The following ACTR6 variants were observed in gnomAD, a reference collection of about 807,000 sequenced individuals.
The protein encoded by ACTR6 is actin-related protein 6.
A neutral mutation model predicts 52.5 loss-of-function variants in ACTR6; 50 were observed. The ratio of observed to expected loss-of-function variants is 0.95; its 90% CI spans 0.76 to 1.20. The LOEUF is 1.20. ACTR6 is among the 50% of genes most tolerant of loss of function. ACTR6 has a pLI of 0.00. For missense variants in ACTR6, 344 were observed against 472.4 expected, an observed-to-expected ratio of 0.73 and a Z score of 2.52; for synonymous variants, 135 against 147.2, an observed-to-expected ratio of 0.92 and a Z score of 0.60.
Position 100,205,317 on chromosome 12 carries a change from A to G in ACTR6, c.186+260A>G, listed in dbSNP as rs895238804. Reference sequence around the variant, plus strand: ...TAAGTATAGGGAGGCAACTGTATATATTGGTGTGTCTTTTGAACCTCTGAC... The same window carrying G: ...TAAGTATAGGGAGGCAACTGTATATGTTGGTGTGTCTTTTGAACCTCTGAC... On this transcript the variant is annotated intron_variant, in intron 2 of 10. Transcript: ENST00000188312. 34 of 316,820 alleles carry G rather than the reference A, an allele frequency of 1.1e-4. 1 individual carries two copies. The highest frequency in any genetic ancestry group is 2.9e-4 in the Admixed American group (6 of 20,712). The allele number at this position is 316,820 out of a possible 1,614,324, so 19.6% of individuals were successfully genotyped here.
chr12:100,209,901 A>C (rs2096118438), intron 4 of ACTR6, among the ~76,000 whole-genome samples, 172 bp from the exon 5 acceptor site: 1 of 152,220 alleles, frequency 6.6e-6, no homozygotes, highest in Admixed American at 6.5e-5. Flanking sequence ...GGTGTTTTAA[A>C]GTATAAACAC....
intron 8 of ACTR6, among the ~76,000 whole-genome samples, chr12:100,213,813 T>C (rs2096121920): frequency 6.6e-6 from 1 of 152,230 alleles, no homozygotes. Context: ...TAGGTAAATG[T>C]GAAGTTTGCA....
chr12:100,213,057 G>C (rs1403026788), intron 8 of ACTR6, among the ~76,000 whole-genome samples: 1 of 151,534 alleles, frequency 6.6e-6, no homozygotes, highest in Non-Finnish European at 1.5e-5. Flanking sequence ...GCATTGGCAG[G>C]GCCTTAGAGA....
chr12:100,211,981 G>T (rs1203917192), intron 6 of ACTR6, among the ~76,000 whole-genome samples: 1 of 152,102 alleles, frequency 6.6e-6, no homozygotes. Context: ...GTTTGCGGGG[G>T]AATGTTTGAT....
rs766401476 is a variant in ACTR6, at chr12:100,219,615, GTAGCTCA to G, written c.923-392_923-386del. ...GAAAGACCTCGTTTTCATCCTTGTGGTAGCTCACAGTCTCAGCCTACAGCAAGAACCA... is the reference window on the plus strand; with the variant it reads ...GAAAGACCTCGTTTTCATCCTTGTGGCAGTCTCAGCCTACAGCAAGAACCA... On this transcript the variant is annotated intron_variant, in intron 9 of 10. Transcript: ENST00000188312. Among the ~76,000 whole-genome samples the G allele has an allele frequency of 4.8e-4, 73 of 152,202 alleles. No homozygotes were observed. The Middle Eastern group carries it at 0.01, about 21-fold the overall frequency.
At chr12:100,201,805 T>TA in intron 1 of ACTR6, among the ~76,000 whole-genome samples, 1 of 152,304 alleles carries the variant, frequency 6.6e-6, no homozygotes, top group East Asian at 1.9e-4. Flanking sequence ...GTATTTTTGT[T>TA]AGAGACGGGG....
At chr12:100,203,718 T>G (rs190798428) in intron 1 of ACTR6, 122 of 150,630 alleles carry the variant, frequency 8.1e-4, no homozygotes, top group African/African-American at 2.9e-3. Context: ...TGGCGTGATC[T>G]TGGCTCACTG....
At chr12:100,223,627 TAC>T (rs1290083496) in intron 10 of ACTR6, among the ~76,000 whole-genome samples, 157 bp from the exon 11 acceptor site, 1 of 152,224 alleles carries the variant, frequency 6.6e-6, no homozygotes, top group Non-Finnish European at 1.5e-5. Context: ...CTTATTTCTG[TAC>T]CTTAAACAAT....
At chr12:100,210,861 A>G (rs1471107026) in intron 6 of ACTR6, among the ~76,000 whole-genome samples, 1 of 152,184 alleles carries the variant, frequency 6.6e-6, no homozygotes, top group Non-Finnish European at 1.5e-5. Flanking sequence ...TCATACCATC[A>G]GGATCCCTTT....
rs769151827 is a variant in ACTR6 at position 100,218,380 on chromosome 12, T to C, written c.751-35T>C. 5.1e-6 allele frequency: 8 copies of C among 1,567,384 alleles called. No individual in the cohort carries two copies. In the Admixed American group the frequency reaches 8.9e-5, roughly 17 times the overall value. On this transcript the variant is annotated intron_variant, in intron 8 of 10. Transcript: ENST00000188312. This position sits in a 1 kb window ranked among gnomAD's most constrained non-coding sequence, Gnocchi z 4.2. The stretch of plus-strand genomic sequence containing the variant: ...ATTATTAGTCATGTGAGCTAGATAA[T>C]ATAACTTAAACTTTTAATCTTCTTT...
rs371505912 is a variant in ACTR6 at position 100,218,431 on chromosome 12, T to C, written c.767T>C (p.Val256Ala). Residue 256 changes from valine to alanine, a missense_variant, in exon 9 of 11, where the codon GTG becomes GCG. Coordinates refer to ENST00000188312, the MANE Select transcript of ACTR6 (RefSeq NM_022496.5). This position sits in a 1 kb window ranked among gnomAD's most constrained non-coding sequence, Gnocchi z 4.2. ...GTCTTTAAGCCAAGGGAAGAGATGG[T>C]GTTGAGTGGAAAATACAAATCTGGG... The part of the protein sequence containing the change: ...KGFCKPREEM[V>A]LSGKYKSGEQ... 1.9e-6 allele frequency: 3 copies of C among 1,610,010 alleles called. No individual in the cohort carries two copies. The highest frequency in any genetic ancestry group is 1.7e-5 in the Admixed American group (1 of 59,080).
intron 2 of ACTR6, 137 bp downstream of exon 2, chr12:100,205,194 TG>T: frequency 3.7e-6 from 2 of 545,072 alleles, no homozygotes; most frequent in Admixed American, 3.6e-5. Context: ...TTTAATTGTT[TG>T]GGTAAAAATA....
intron 6 of ACTR6, among the ~76,000 whole-genome samples, chr12:100,211,582 G>C (rs536599894): frequency 9.9e-5 from 15 of 152,124 alleles, no homozygotes; most frequent in African/African-American, 3.4e-4. Context: ...AAACATCACT[G>C]TGTACCTGAG....
At chr12:100,208,323 C>T (rs532609860) in intron 4 of ACTR6, among the ~76,000 whole-genome samples, 67 of 151,480 alleles carry the variant, frequency 4.4e-4, no homozygotes, top group Middle Eastern at 3.4e-3. Flanking sequence ...TCTTGTTGCC[C>T]AGGTTGGCAT....
At chr12:100,208,099 C>T (rs560107829) in intron 4 of ACTR6, 9 of 260,984 alleles carry the variant, frequency 3.4e-5, no homozygotes, top group East Asian at 2.1e-4. Flanking sequence ...AGGTTGAAGC[C>T]GCAGTGAGCT....
intron 8 of ACTR6, 93 bp downstream of exon 8, chr12:100,212,621 C>T (rs2096120751): frequency 4.6e-6 from 4 of 863,056 alleles, no homozygotes; most frequent in Non-Finnish European, 7.5e-6. Context: ...AAGAGACTGG[C>T]CTGGGCAACA....
chr12:100,212,936 G>C (rs925495510), intron 8 of ACTR6, among the ~76,000 whole-genome samples: 8 of 150,878 alleles, frequency 5.3e-5, no homozygotes, highest in Non-Finnish European at 1.2e-4. Flanking sequence ...GAACCTGGGA[G>C]GTGGAGGTTG....
intron 10 of ACTR6, among the ~76,000 whole-genome samples, chr12:100,223,539 A>G (rs1392810029): frequency 2.0e-5 from 3 of 152,214 alleles, no homozygotes; most frequent in Non-Finnish European, 4.4e-5. Flanking sequence ...ACATAGGGAA[A>G]AAGGAACATT....
rs1310353854 is a variant in ACTR6, at chr12:100,205,764, A to G, written c.255+20A>G. On this transcript the variant is annotated intron_variant, in intron 3 of 10. Coordinates refer to ENST00000188312, the MANE Select transcript of ACTR6 (RefSeq NM_022496.5). The stretch of plus-strand genomic sequence containing the variant: ...TATCAGGTAACAAATTAGAGTATGT[A>G]TTAAAATTCTATTTCCATGTTTAAT... The G allele has an allele frequency of 1.5e-6, 2 of 1,344,116 alleles. No homozygotes were observed. 83.3% of individuals were successfully genotyped at this position (1,344,116 alleles called of 1,614,324 possible). A position where few individuals can be genotyped will look rare whatever the true frequency, so the allele number is the denominator to read the frequency against.
Sources: allele counts gnomAD v4.1 joint callset (sites outside exome capture counted in the v4.1 genomes callset), GRCh38; gene constraint gnomAD v4.1.1; non-coding constraint Gnocchi (gnomAD v3.1); transcripts MANE v1.5; gene names NCBI Gene and HGNC (gene_info 2026-07-23, HGNC 2026-07-21).